The following NBAS variants were observed in gnomAD, a reference collection of about 807,000 sequenced individuals.
The protein encoded by NBAS is NAG/BC035112 fusion.
NBAS carries 219 observed loss-of-function variants against 302.5 expected under a neutral mutation model. That is an observed-to-expected ratio of 0.72 (90% CI 0.65 to 0.81). The LOEUF (loss-of-function observed/expected upper bound fraction) is 0.81. Among genes scored for constraint, NBAS ranks in the 30% least tolerant of loss-of-function variants. NBAS has a pLI of 0.00. For synonymous variants in NBAS, 1,118 were observed against 1,021.6 expected, an observed-to-expected ratio of 1.09 and a Z score of -1.80; for missense variants, 2,932 against 2,841.6, an observed-to-expected ratio of 1.03 and a Z score of -0.72.
chr2:15,066,432 T>C, the NBAS span, among the ~76,000 whole-genome samples: 1 of 151,936 alleles, frequency 6.6e-6, no homozygotes, highest in Non-Finnish European at 1.5e-5. Flanking sequence ...ACCTATGAAA[T>C]GGGAGAAGAT....
chr2:14,909,367 A>T, the NBAS span, among the ~76,000 whole-genome samples: 2 of 50,922 alleles, frequency 3.9e-5, no homozygotes, highest in Non-Finnish European at 7.3e-5. Context: ...GAGAGTTTCT[A>T]AAAAAAAAAA....
the NBAS span, among the ~76,000 whole-genome samples, chr2:15,085,366 G>T: frequency 6.6e-6 from 1 of 152,130 alleles, no homozygotes. Context: ...CTGCGTCTCG[G>T]GGTCTGCCCT....
chr2:14,978,986 T>C, the NBAS span, among the ~76,000 whole-genome samples: 1 of 152,208 alleles, frequency 6.6e-6, no homozygotes, highest in East Asian at 1.9e-4. Flanking sequence ...CATGGAGAGC[T>C]ATTTTCTGCT....
intron 16 of NBAS, 131 bp downstream of exon 16, chr2:15,473,091 G>T: frequency 9.5e-7 from 1 of 1,050,096 alleles, no homozygotes; most frequent in Non-Finnish European, 1.4e-6. Context: ...TTTTCCAGCT[G>T]AGAAAATTGT....
chr2:15,366,510 T>C (rs549108910), intron 32 of NBAS, 70 bp downstream of exon 32: 1 of 1,391,892 alleles, frequency 7.2e-7, no homozygotes, highest in Admixed American at 1.7e-5. Context: ...CATATTCTGC[T>C]ATTGTCCTGC....
chr2:15,403,471 C>T (rs1363146942), intron 25 of NBAS, among the ~76,000 whole-genome samples: 16 of 152,062 alleles, frequency 1.1e-4, no homozygotes. Flanking sequence ...ACCATTTTTT[C>T]TTGTCATTAT....
At chr2:14,934,170 G>C in the NBAS span, among the ~76,000 whole-genome samples, 1 of 152,112 alleles carries the variant, frequency 6.6e-6, no homozygotes. Context: ...TATATGAAAT[G>C]TAAAGTCCAC....
In NBAS at chr2:15,292,749, T is replaced by C. The variant is rs772630762; in HGVS notation, c.4815A>G (p.Leu1605=). 2 of 1,614,122 alleles carry C rather than the reference T, an allele frequency of 1.2e-6. No individual in the cohort carries two copies. The highest frequency in any genetic ancestry group is 2.2e-5 in the East Asian group (1 of 44,884). The stretch of plus-strand genomic sequence containing the variant: ...TCACATGCCTGGTGACCATCTTGAT[T>C]AGTTCTTTGGGATCAGCCTATGAAA... The part of the protein sequence containing the change: ...HPLYRADPKE[L]IKMVTRHVTR... The change falls in exon 41 of 52, where the codon CTA becomes CTG. Residue 1605 remains leucine (L), a synonymous_variant. Transcript: ENST00000281513.
chr2:15,400,422 C>T (rs185005092), intron 26 of NBAS, among the ~76,000 whole-genome samples: 204 of 152,080 alleles, frequency 1.3e-3, no homozygotes, highest in South Asian at 6.4e-3. Flanking sequence ...ACAATATTTA[C>T]GTAATCATAA....
At chr2:15,280,962 C>T (rs1354030993) in intron 42 of NBAS, among the ~76,000 whole-genome samples, 1 of 152,132 alleles carries the variant, frequency 6.6e-6, no homozygotes. Context: ...TCAAGGAAAA[C>T]GTGGTCAAGA....
intron 21 of NBAS, among the ~76,000 whole-genome samples, chr2:15,439,901 T>C (rs1358017691): frequency 1.3e-5 from 2 of 152,234 alleles, no homozygotes; most frequent in African/African-American, 4.8e-5. Flanking sequence ...GTCTCCCTGA[T>C]TGCTAACACA....
At chr2:15,082,810 T>C in the NBAS span, among the ~76,000 whole-genome samples, 5,295 of 152,302 alleles carry the variant, frequency 0.035, 316 homozygotes, top group African/African-American at 0.12. Flanking sequence ...GGTATCTGTG[T>C]TGGGAGCCAT....
the NBAS span, among the ~76,000 whole-genome samples, chr2:14,880,016 G>C: frequency 6.6e-6 from 1 of 152,296 alleles, no homozygotes; most frequent in South Asian, 2.1e-4. Flanking sequence ...ACCAGTTCTG[G>C]AGCAGAAGGA....
At chr2:15,547,605 T>C (rs1664176494) in intron 6 of NBAS, among the ~76,000 whole-genome samples, 1 of 152,222 alleles carries the variant, frequency 6.6e-6, no homozygotes, top group South Asian at 2.1e-4. Context: ...ATTTACCTAC[T>C]GGCTAGGAGC....
chr2:14,833,881 G>T, the NBAS span, among the ~76,000 whole-genome samples: 6 of 151,898 alleles, frequency 4.0e-5, no homozygotes, highest in African/African-American at 1.5e-4. Context: ...AATGCAAAAT[G>T]ATCATCTGCT....
chr2:15,403,288 T>C (rs1412065495), intron 25 of NBAS, among the ~76,000 whole-genome samples: 1 of 152,060 alleles, frequency 6.6e-6, no homozygotes, highest in Non-Finnish European at 1.5e-5. Flanking sequence ...AAAAGAAACT[T>C]TCAAGGTTAC....
At chr2:15,339,153 A>AT (rs199651357) in intron 35 of NBAS, among the ~76,000 whole-genome samples, 18 of 151,524 alleles carry the variant, frequency 1.2e-4, no homozygotes, top group Admixed American at 2.0e-4. Context: ...TATAAGGTAT[A>AT]TTTTTTTTTC....
intron 51 of NBAS, 79 bp from the exon 52 acceptor site, chr2:15,167,402 G>A (rs944685444): frequency 1.2e-5 from 18 of 1,544,582 alleles, no homozygotes; most frequent in African/African-American, 6.8e-5. Context: ...GCTCTCCACT[G>A]GGCTGCCTTC....
the NBAS span, among the ~76,000 whole-genome samples, chr2:14,821,463 C>T: frequency 6.6e-6 from 1 of 152,186 alleles, no homozygotes; most frequent in Non-Finnish European, 1.5e-5. Flanking sequence ...TGTTATCACT[C>T]TTCTCAGCTC....
Sources: gnomAD v4.1 joint callset for allele counts (sites outside exome capture counted in the v4.1 genomes callset) on GRCh38, gnomAD v4.1.1 for gene constraint, MANE v1.5 for transcripts, NCBI Gene and HGNC (gene_info 2026-07-23, HGNC 2026-07-21) for gene names.